IGHMBP2: variants seen among roughly 807,000 people sequenced by gnomAD.
IGHMBP2 encodes the protein DNA-binding protein SMUBP-2.
In IGHMBP2, 81 loss-of-function variants were observed where a neutral mutation model predicts 96.0. That is an observed-to-expected ratio of 0.84 (90% CI 0.71 to 1.01). IGHMBP2 has a LOEUF of 1.01. Among genes scored for constraint, IGHMBP2 ranks in the 50% least tolerant of loss-of-function variants. The pLI is 0.00. For synonymous variants in IGHMBP2, 557 were observed against 548.9 expected (o/e 1.01, Z -0.21); for missense variants, 1,227 against 1,306.3 (o/e 0.94, Z 0.94).
rs1859182352 is a variant in IGHMBP2 at position 68,929,263 on chromosome 11, C to T, written c.1141C>T (p.Leu381Phe). Residue 381 changes from leucine (L) to phenylalanine (F), a missense_variant, in exon 8 of 15, where the codon CTC becomes TTC. Around this residue, in one of 3 missense-constraint regions of IGHMBP2, gnomAD observed 507 missense variants for 496.9 expected, o/e 1.02. Coordinates refer to ENST00000255078, the MANE Select transcript of IGHMBP2 (RefSeq NM_002180.3). ...GGTCATTGACGAGTGTGCCCAGGCC[C>T]TCGAGGCGAGCTGCTGGATCCCCCT... ...VVVIDECAQA[L>F]EASCWIPLLK... is the part of the protein sequence containing the mutation. The T allele has an allele frequency of 6.2e-7, 1 of 1,613,906 alleles. No individual in the cohort carries two copies. Among genetic ancestry groups the T allele is most frequent in the South Asian group, 1.1e-5 (1 of 91,088 alleles).
At chr11:68,921,669 A>C (rs1189050732) in intron 7 of IGHMBP2, among the ~76,000 whole-genome samples, 2 of 152,238 alleles carry the variant, frequency 1.3e-5, no homozygotes, top group Non-Finnish European at 2.9e-5. Context: ...TCTAAATAAT[A>C]AGAAAAATGT....
intron 7 of IGHMBP2, among the ~76,000 whole-genome samples, chr11:68,925,142 C>CTTTTT (rs921409570): frequency 5.5e-5 from 6 of 108,722 alleles, no homozygotes; most frequent in African/African-American, 1.4e-4. Flanking sequence ...AGTCCAGGTT[C>CTTTTT]TTTTTTTTTT....
intron 14 of IGHMBP2, 48 bp downstream of exon 14, chr11:68,938,402 G>T (rs1416427028): frequency 6.5e-7 from 1 of 1,534,748 alleles, no homozygotes. Flanking sequence ...AGGGGTGGTG[G>T]GTTCCGTCTC....
intron 8 of IGHMBP2, among the ~76,000 whole-genome samples, chr11:68,930,676 A>G (rs1859259683): frequency 6.6e-6 from 1 of 152,174 alleles, no homozygotes; most frequent in Admixed American, 6.5e-5. Flanking sequence ...TGCATCCAGG[A>G]AGAATGAGGT....
intron 4 of IGHMBP2, 132 bp downstream of exon 4, chr11:68,908,763 G>A (rs762226516): frequency 5.9e-6 from 4 of 682,952 alleles, no homozygotes; most frequent in African/African-American, 3.6e-5. Context: ...CATCTTTGTA[G>A]GAGTGTCTCG....
At chr11:68,929,680 C>A (rs548119287) in intron 8 of IGHMBP2, 24 of 948,982 alleles carry the variant, frequency 2.5e-5, no homozygotes, top group Non-Finnish European at 2.9e-5. Flanking sequence ...GGTAGAGTGC[C>A]GTGAGAGCCT....
intron 7 of IGHMBP2, among the ~76,000 whole-genome samples, chr11:68,918,200 C>G (rs185880875): frequency 2.4e-4 from 37 of 152,074 alleles, no homozygotes; most frequent in African/African-American, 8.4e-4. Flanking sequence ...TGCCCTTATT[C>G]TTCTTTTACT....
chr11:68,930,562 GA>G, intron 8 of IGHMBP2: 1 of 1,173,722 alleles, frequency 8.5e-7, no homozygotes, highest in South Asian at 1.5e-5. Flanking sequence ...CCTGGTGGGA[GA>G]CACATGGGGA....
At position 68,903,942 on chromosome 11, in the gene IGHMBP2, C is replaced by G. The variant is rs1416279577; in HGVS notation, c.-11C>G. The G allele has an allele frequency of 1.9e-6, 3 of 1,580,432 alleles. No homozygotes were observed. The highest frequency in any genetic ancestry group is 2.6e-6 in the Non-Finnish European group (3 of 1,163,400). ...GACGTCGGCTTCTAGGGGCCCAGGC[C>G]GGCGGCGGCGATGGCCTCGGCAGCT... On this transcript the variant is annotated 5_prime_UTR_variant, in exon 1 of 15. Coordinates refer to ENST00000255078, the MANE Select transcript of IGHMBP2 (RefSeq NM_002180.3).
chr11:68,931,073 C>T (rs1859278988), intron 8 of IGHMBP2, among the ~76,000 whole-genome samples: 1 of 152,190 alleles, frequency 6.6e-6, no homozygotes, highest in South Asian at 2.1e-4. Flanking sequence ...AGCTGCCAGC[C>T]TTCAGGCCCT....
chr11:68,928,503 G>T (rs1210794607), intron 7 of IGHMBP2, among the ~76,000 whole-genome samples: 3 of 152,176 alleles, frequency 2.0e-5, no homozygotes, highest in African/African-American at 7.2e-5. Context: ...AACTAACATT[G>T]ATCACATTTA....
intron 7 of IGHMBP2, among the ~76,000 whole-genome samples, chr11:68,919,230 G>GCTCCT (rs10596821): frequency 4.1e-5 from 6 of 146,148 alleles, no homozygotes; most frequent in African/African-American, 1.3e-4. Flanking sequence ...TCACTGTGTT[G>GCTCCT]CTCCTCTCCT....
intron 13 of IGHMBP2, chr11:68,937,598 C>T (rs1859602365): frequency 4.0e-6 from 1 of 251,476 alleles, no homozygotes; most frequent in African/African-American, 2.2e-5. Context: ...CCGTTTGCCA[C>T]ATCCTGCATT....
chr11:68,939,427 C>T (rs1859665923), intron 14 of IGHMBP2, 107 bp from the exon 15 acceptor site: 1 of 1,182,028 alleles, frequency 8.5e-7, no homozygotes, highest in Non-Finnish European at 1.2e-6. Context: ...GAGGAGTGGC[C>T]TTCTCTGTTG....
At chr11:68,918,551 A>C (rs1404074467) in intron 7 of IGHMBP2, among the ~76,000 whole-genome samples, 1 of 152,170 alleles carries the variant, frequency 6.6e-6, no homozygotes, top group African/African-American at 2.4e-5. Flanking sequence ...CTGAGGTAGG[A>C]GAATTGCTTG....
At chr11:68,925,010 T>C (rs1472512271) in intron 7 of IGHMBP2, among the ~76,000 whole-genome samples, 1 of 152,188 alleles carries the variant, frequency 6.6e-6, no homozygotes, top group Non-Finnish European at 1.5e-5. Flanking sequence ...GCATATTTTA[T>C]GTGTGGCCCA....
Position 68,906,186 on chromosome 11 carries a change from G to A in IGHMBP2, c.204G>A (p.Glu68=). The A allele has an allele frequency of 6.2e-7, 1 of 1,614,190 alleles. No individual in the cohort carries two copies. The highest frequency in any genetic ancestry group is 8.5e-7 in the Non-Finnish European group (1 of 1,180,042). ...ACGGACGGCTGCTGGTCACCTTTGAGCCCAGGCGATACGGGTCCGCGGCAG... is the reference window on the plus strand; with the variant it reads ...ACGGACGGCTGCTGGTCACCTTTGAACCCAGGCGATACGGGTCCGCGGCAG... ...GLYGRLLVTF[E]PRRYGSAAAL... The change falls in exon 2 of 15, where the codon GAG becomes GAA. Residue 68 remains glutamate (E), a synonymous_variant. Coordinates refer to ENST00000255078, the MANE Select transcript of IGHMBP2 (RefSeq NM_002180.3).
rs748899869 is a variant in IGHMBP2, at chr11:68,911,588, G to T, written c.696G>T (p.Val232=). ...TTVVEIILQA[V]KQGLKVLCCA... is the part of the protein sequence containing the mutation. ...TGGTTGAGATCATTCTTCAAGCTGT[G>T]AAACAAGGCTTAAAGGTGGGCAGTG... The change falls in exon 5 of 15, where the codon GTG becomes GTT. Residue 232 remains valine, a synonymous_variant. Coordinates refer to ENST00000255078, the MANE Select transcript of IGHMBP2 (RefSeq NM_002180.3). 9.6e-5 allele frequency: 155 copies of T among 1,614,094 alleles called. No homozygotes were observed. In the East Asian group the frequency reaches 3.4e-3, roughly 35 times the overall value.
chr11:68,914,449 CAGGGGAG>C (rs2154007168), intron 5 of IGHMBP2, among the ~76,000 whole-genome samples: 1 of 152,310 alleles, frequency 6.6e-6, no homozygotes, highest in African/African-American at 2.4e-5. Context: ...CTCAGACCTG[CAGGGGAG>C]CATACAGATG....
Sources: gnomAD v4.1 joint callset for allele counts (sites outside exome capture counted in the v4.1 genomes callset) on GRCh38, gnomAD v4.1.1 for gene constraint, gnomAD v4.1.1 regional missense constraint, MANE v1.5 for transcripts, NCBI Gene and HGNC (gene_info 2026-07-23, HGNC 2026-07-21) for gene names.